Variants in ZNF621 observed in about 807,000 individuals in gnomAD.
ZNF621 encodes the protein zinc finger protein 621.
A neutral mutation model predicts 12.7 loss-of-function variants in ZNF621; 6 were observed. The ratio of observed to expected loss-of-function variants is 0.47; its 90% CI spans 0.26 to 0.93. The LOEUF (loss-of-function observed/expected upper bound fraction) is 0.93. Among genes scored for constraint, ZNF621 ranks in the 40% least tolerant of loss-of-function variants. The probability of loss-of-function intolerance (pLI) is 0.15; values close to 1 mark genes in which losing one functional copy is unlikely to be tolerated. For missense variants in ZNF621, 474 were observed against 524.0 expected (o/e 0.90, Z 0.93); for synonymous variants, 156 against 190.3 (o/e 0.82, Z 1.48).
Position 40,529,375 on chromosome 3 carries a change from C to A in ZNF621, c.81C>A (p.Ser27Arg), listed in dbSNP as rs1462200542. ...ACTTCACCCAGAATCAATGGGCCAG[C>A]CTCGACCCTGCGCAGAGGGCCCTGT... Reference protein sequence around the residue: ...AVYFTQNQWASLDPAQRALYG... With the variant: ...AVYFTQNQWARLDPAQRALYG... Residue 27 changes from serine (S) to arginine (R), a missense_variant, in exon 3 of 5, where the codon AGC (serine) becomes AGA (arginine). Coordinates refer to ENST00000339296, the MANE Select transcript of ZNF621 (RefSeq NM_198484.5). 2 of 1,613,906 alleles carry A rather than the reference C, an allele frequency of 1.2e-6. No homozygotes were observed. The highest frequency in any genetic ancestry group is 2.2e-5 in the East Asian group (1 of 44,858).
Position 40,537,026 on chromosome 3 carries a change from T to C in ZNF621, c.*3936T>C, listed in dbSNP as rs1698884256. The C allele has an allele frequency of 6.6e-6, 1 of 152,152 alleles. No individual in the cohort carries two copies. The highest frequency in any genetic ancestry group is 2.4e-5 in the African/African-American group (1 of 41,384). The allele number at this position is 152,152 out of a possible 1,614,324, so 9.4% of individuals were successfully genotyped here. A position where few individuals can be genotyped will look rare whatever the true frequency, so the allele number is the denominator to read the frequency against. On this transcript the variant is annotated 3_prime_UTR_variant, in exon 5 of 5. Coordinates refer to ENST00000339296, the MANE Select transcript of ZNF621 (RefSeq NM_198484.5). ...TACTCCACTAACTGATGGTTCCCCA[T>C]CTCTCTCCCTCTCCTCAGACCTCAC...
In ZNF621 at chr3:40,532,933, A is replaced by G. The variant is rs1420705249; in HGVS notation, c.1163A>G (p.His388Arg). ...AVAVPSLTFP[H>R]AVLIPTSGNF... ...GCTGTGCCTTCACTGACCTTTCCAC[A>G]TGCTGTGCTCATTCCTACCTCTGGG... Residue 388 changes from histidine (H) to arginine (R), a missense_variant, in exon 5 of 5, where the codon CAT (histidine) becomes CGT (arginine). By Grantham distance (29) the His-to-Arg change is conservative (BLOSUM62 0). Transcript: ENST00000339296. The G allele has an allele frequency of 5.8e-6, 9 of 1,562,356 alleles. No homozygotes were observed. Among genetic ancestry groups the G allele is most frequent in the Non-Finnish European group, 7.8e-6 (9 of 1,153,138 alleles).
rs923515854 is a variant in ZNF621 at position 40,535,141 on chromosome 3, G to T, written c.*2051G>T. ...AGAAAGTGGCTGCGCCTTCAGCCCC[G>T]TGCTAGAATGAGAACATATGGAGCC... On this transcript the variant is annotated 3_prime_UTR_variant, in exon 5 of 5. Coordinates refer to ENST00000339296, the MANE Select transcript of ZNF621 (RefSeq NM_198484.5). 6.6e-6 allele frequency: 1 copy of T among 152,220 alleles called. No individual in the cohort carries two copies. Among genetic ancestry groups the T allele is most frequent in the Non-Finnish European group, 1.5e-5 (1 of 68,064 alleles). 9.4% of individuals were successfully genotyped at this position (152,220 alleles called of 1,614,324 possible). A position where few individuals can be genotyped will look rare whatever the true frequency, so the allele number is the denominator to read the frequency against.
upstream of ZNF621, among the ~76,000 whole-genome samples, chr3:40,524,262 C>T (rs913608327): frequency 6.6e-6 from 1 of 152,118 alleles, no homozygotes; most frequent in Non-Finnish European, 1.5e-5. Flanking sequence ...GTGCCAGTTA[C>T]TGAGCAGAAA....
rs376049138 is a variant in ZNF621 at position 40,533,052 on chromosome 3, T to C, written c.1282T>C (p.Ser428Pro). 5.2e-5 allele frequency: 80 copies of C among 1,551,634 alleles called. No individual in the cohort carries two copies. Among genetic ancestry groups the C allele is most frequent in the Admixed American group, 9.8e-5 (5 of 50,986 alleles). ...GGGTCTTACTCCCACTGTGAAACCT[T>C]CCCCAGTTATTCTCACCCCTTCTTC... ...FQGLTPTVKP[S>P]PVILTPSSHS... The change falls in exon 5 of 5, where the codon TCC becomes CCC. Residue 428 changes from serine to proline, a missense_variant. Transcript: ENST00000339296.
At chr3:40,523,390 T>C (rs1698500023), upstream of ZNF621, among the ~76,000 whole-genome samples, 1 of 152,196 alleles carries the variant, frequency 6.6e-6, no homozygotes, top group South Asian at 2.1e-4. Context: ...CAATTCCCCT[T>C]TATAGCATGG....
intron 2 of ZNF621, among the ~76,000 whole-genome samples, chr3:40,528,316 T>C (rs570600445): frequency 1.3e-5 from 2 of 152,264 alleles, no homozygotes; most frequent in African/African-American, 4.8e-5. Context: ...TGTCTTTTCA[T>C]GGCTTGATAG....
chr3:40,534,122 T>C lies in ZNF621; in HGVS notation c.*1032T>C, dbSNP rs932628535. ...TTCTTGATGAGCATTCTGTTTTTTTTTCTTTGTGAGCACTGGCTTCTATAT... is the reference window on the plus strand; with the variant it reads ...TTCTTGATGAGCATTCTGTTTTTTTCTCTTTGTGAGCACTGGCTTCTATAT... On this transcript the variant is annotated 3_prime_UTR_variant, in exon 5 of 5. Coordinates refer to ENST00000339296, the MANE Select transcript of ZNF621 (RefSeq NM_198484.5). 6.6e-6 allele frequency: 1 copy of C among 152,516 alleles called. No individual in the cohort carries two copies. Among genetic ancestry groups the C allele is most frequent in the African/African-American group, 2.4e-5 (1 of 41,448 alleles). The allele number at this position is 152,516 out of a possible 1,614,324, so 9.4% of individuals were successfully genotyped here. A position where few individuals can be genotyped will look rare whatever the true frequency, so the allele number is the denominator to read the frequency against.
Position 40,533,406 on chromosome 3 carries a change from G to A in ZNF621, c.*316G>A, listed in dbSNP as rs1230049256. ...TCCGCCTGCCTTGGCCCCCCAAAGT[G>A]CTGGGATTACAGGAGTGAGCCACTG... On this transcript the variant is annotated 3_prime_UTR_variant, in exon 5 of 5. Coordinates refer to ENST00000339296, the MANE Select transcript of ZNF621 (RefSeq NM_198484.5). 2 of 307,158 alleles carry A rather than the reference G, an allele frequency of 6.5e-6. No individual in the cohort carries two copies. Among genetic ancestry groups the A allele is most frequent in the South Asian group, 1.0e-4 (2 of 19,666 alleles). 19.0% of individuals were successfully genotyped at this position (307,158 alleles called of 1,614,324 possible). A position where few individuals can be genotyped will look rare whatever the true frequency, so the allele number is the denominator to read the frequency against.
chr3:40,538,490 T>C lies in ZNF621; in HGVS notation c.*5400T>C. Reference sequence around the variant, plus strand: ...TTGCACCACTGTGCTTCAGCCTGGGTAACAGAGTGAGACTGTCTCAAAAAA... The same window carrying C: ...TTGCACCACTGTGCTTCAGCCTGGGCAACAGAGTGAGACTGTCTCAAAAAA... On this transcript the variant is annotated 3_prime_UTR_variant, in exon 5 of 5. Transcript: ENST00000339296. 6.1e-6 allele frequency: 1 copy of C among 163,944 alleles called. No individual in the cohort carries two copies. The highest frequency in any genetic ancestry group is 1.3e-5 in the Non-Finnish European group (1 of 75,052). The allele number at this position is 163,944 out of a possible 1,614,324, so 10.2% of individuals were successfully genotyped here. A position where few individuals can be genotyped will look rare whatever the true frequency, so the allele number is the denominator to read the frequency against.
chr3:40,532,094 GT>G lies in ZNF621; in HGVS notation c.326del (p.Leu109CysfsTer6). The G allele has an allele frequency of 2.5e-6, 4 of 1,614,110 alleles. No homozygotes were observed. Among genetic ancestry groups the G allele is most frequent in the Non-Finnish European group, 3.4e-6 (4 of 1,180,034 alleles). ...AGCAGGAAGCCTCTGAAGAAACAGA[GT>G]TGCACAGAATGCCAGTAGGAGGACT... ...IKQEASEETE[L>X]HRMPVGGLLR... On this transcript the variant is annotated frameshift_variant, in exon 5 of 5. Coordinates refer to ENST00000339296, the MANE Select transcript of ZNF621 (RefSeq NM_198484.5). LOFTEE classifies it low-confidence loss of function (END_TRUNC).
chr3:40,529,582 A>G, intron 3 of ZNF621, 137 bp downstream of exon 3: 1 of 1,568,794 alleles, frequency 6.4e-7, no homozygotes, highest in East Asian at 2.4e-5. Context: ...CTGGGTAGGG[A>G]AATCCTTGGT....
chr3:40,529,438 T>G lies in ZNF621; in HGVS notation c.144T>G (p.Ala48=), dbSNP rs142428942. The G allele has an allele frequency of 2.5e-6, 4 of 1,613,094 alleles. No individual in the cohort carries two copies. In the South Asian group the frequency reaches 3.3e-5, roughly 13 times the overall value. ...TGCTGGAGAATTATGCAAATGTGGCTTCTCTGGGTAAGGCCTCCCTCTGTG... is the reference window on the plus strand; with the variant it reads ...TGCTGGAGAATTATGCAAATGTGGCGTCTCTGGGTAAGGCCTCCCTCTGTG... ...EVMLENYANV[A]SLVAFPFPKP... is the part of the protein sequence containing the mutation. The change falls in exon 3 of 5, where the codon GCT becomes GCG. Residue 48 remains alanine (A), a synonymous_variant. Coordinates refer to ENST00000339296, the MANE Select transcript of ZNF621 (RefSeq NM_198484.5).
chr3:40,524,298 A>T (rs1483006251), upstream of ZNF621, among the ~76,000 whole-genome samples: 1 of 152,192 alleles, frequency 6.6e-6, no homozygotes, highest in African/African-American at 2.4e-5. Context: ...GAGTTTTTGT[A>T]ATTTATTGGA....
Position 40,538,003 on chromosome 3 carries a change from GTC to G in ZNF621, c.*4919_*4920del, listed in dbSNP as rs1340763266. 3.3e-5 allele frequency among the ~76,000 whole-genome samples: 5 copies of G among 152,204 alleles called. No homozygotes were observed. Among genetic ancestry groups the G allele is most frequent in the African/African-American group, 1.2e-4 (5 of 41,442 alleles). ...GCTTAAAAGCATCAAAGGACAGCTCGTCTCTCTTGTTAGGGGTTCATGCAGCT... is the reference window on the plus strand; with the variant it reads ...GCTTAAAAGCATCAAAGGACAGCTCGTCTCTTGTTAGGGGTTCATGCAGCT... On this transcript the variant is annotated 3_prime_UTR_variant, in exon 5 of 5. Coordinates refer to ENST00000339296, the MANE Select transcript of ZNF621 (RefSeq NM_198484.5).
Position 40,530,874 on chromosome 3 carries a change from C to T in ZNF621, c.259+558C>T, listed in dbSNP as rs564941863. On this transcript the variant is annotated intron_variant, in intron 4 of 4. Transcript: ENST00000339296. Reference sequence around the variant, plus strand: ...AGGAATATTCTCCCATCATAGCCCCCTACGCACACACATGCATACACACAA... The same window carrying T: ...AGGAATATTCTCCCATCATAGCCCCTTACGCACACACATGCATACACACAA... Among the ~76,000 whole-genome samples the T allele has an allele frequency of 2.2e-3, 331 of 152,268 alleles. 1 individual carries two copies. Among genetic ancestry groups the T allele is most frequent in the African/African-American group, 7.1e-3 (293 of 41,556 alleles).
Position 40,525,752 on chromosome 3 carries a change from T to TA in ZNF621, c.-62-26dup, listed in dbSNP as rs1407768212. The TA allele has an allele frequency of 1.3e-5, 21 of 1,595,098 alleles. No homozygotes were observed. The East Asian group carries it at 4.7e-4, about 36-fold the overall frequency. On this transcript the variant is annotated intron_variant, in intron 1 of 4. Transcript: ENST00000339296. ...TGTAGGTGGTGGACGACAGGGTCCT[T>TA]AGCACTCATGGCTCTTTTTCTCTTA...
rs903177210 is a variant in ZNF621, at chr3:40,533,214, C to T, written c.*124C>T. On this transcript the variant is annotated 3_prime_UTR_variant, in exon 5 of 5. Coordinates refer to ENST00000339296, the MANE Select transcript of ZNF621 (RefSeq NM_198484.5). The stretch of plus-strand genomic sequence containing the variant: ...AGAGTGCGGTGGTGTGATCTTGGCT[C>T]ACTGCAACCTCCCCCTCCTGGGTTC... 4.3e-5 allele frequency: 61 copies of T among 1,412,408 alleles called. No homozygotes were observed. The highest frequency in any genetic ancestry group is 5.3e-5 in the Non-Finnish European group (57 of 1,074,290). 87.5% of individuals were successfully genotyped at this position (1,412,408 alleles called of 1,614,324 possible).
chr3:40,537,869 T>G lies in ZNF621; in HGVS notation c.*4779T>G, dbSNP rs1022932233. Among the ~76,000 whole-genome samples, 1 of 152,168 alleles carries G rather than the reference T, an allele frequency of 6.6e-6. No individual in the cohort carries two copies. The highest frequency in any genetic ancestry group is 1.5e-5 in the Non-Finnish European group (1 of 68,028). ...AGCAATTTATCCAGATCTAGCTAAG[T>G]TAATTGATGAAGTTGCTACACCACG... On this transcript the variant is annotated 3_prime_UTR_variant, in exon 5 of 5. Transcript: ENST00000339296.
Sources: gnomAD v4.1 joint callset for allele counts (sites outside exome capture counted in the v4.1 genomes callset) on GRCh38, gnomAD v4.1.1 for gene constraint, MANE v1.5 for transcripts, NCBI Gene and HGNC (gene_info 2026-07-23, HGNC 2026-07-21) for gene names.